Variants in RNF150 observed in about 807,000 individuals in gnomAD.
The protein encoded by RNF150 is ring finger protein 150.
Under a neutral mutation model 39.3 loss-of-function variants are expected in RNF150, and 24 were observed. The observed-to-expected ratio is 0.61, with a 90% CI of 0.44 to 0.86. The LOEUF (loss-of-function observed/expected upper bound fraction) is 0.86, where lower values mean the gene tolerates loss of function less well. RNF150 is among the 40% of genes least tolerant of loss of function. The pLI is 0.00. For synonymous variants in RNF150, 255 were observed against 227.3 expected (o/e 1.12, Z -1.10); for missense variants, 502 against 587.8 (o/e 0.85, Z 1.51).
chr4:141,102,378 C>G (rs750675310), intron 1 of RNF150, among the ~76,000 whole-genome samples: 5 of 152,076 alleles, frequency 3.3e-5, no homozygotes, highest in Non-Finnish European at 5.9e-5. Flanking sequence ...TAATTTTTCC[C>G]TGATCCTTTC....
At chr4:141,076,581 C>T (rs1737902687) in intron 1 of RNF150, among the ~76,000 whole-genome samples, 1 of 151,550 alleles carries the variant, frequency 6.6e-6, no homozygotes, top group African/African-American at 2.4e-5. Context: ...CCTGCACATA[C>T]TTACCTGTTA....
At chr4:141,198,144 G>A (rs910135559) in intron 1 of RNF150, among the ~76,000 whole-genome samples, 9 of 150,772 alleles carry the variant, frequency 6.0e-5, no homozygotes, top group Admixed American at 5.9e-4. Flanking sequence ...TCCTGCCTCA[G>A]CCTCCTGAGT....
chr4:141,184,577 C>T (rs1727968342), intron 1 of RNF150, among the ~76,000 whole-genome samples: 1 of 152,100 alleles, frequency 6.6e-6, no homozygotes, highest in Non-Finnish European at 1.5e-5. Context: ...AGTCTTTGCC[C>T]ATGCCTATGT....
At chr4:141,022,916 T>C (rs1231884580) in intron 1 of RNF150, among the ~76,000 whole-genome samples, 1 of 152,226 alleles carries the variant, frequency 6.6e-6, no homozygotes, top group Non-Finnish European at 1.5e-5. Context: ...CTACTTTCCA[T>C]CTAAATTTGC....
intron 6 of RNF150, among the ~76,000 whole-genome samples, chr4:140,910,062 C>CA (rs1026642207): frequency 1.7e-4 from 26 of 152,126 alleles, no homozygotes; most frequent in African/African-American, 6.0e-4. Context: ...TTTTTTCATT[C>CA]TTTTTTTAGT....
chr4:140,933,929 G>A (rs1249484308), intron 4 of RNF150, among the ~76,000 whole-genome samples: 1 of 152,152 alleles, frequency 6.6e-6, no homozygotes, highest in African/African-American at 2.4e-5. Context: ...CCACACTGTG[G>A]GGACAATTCT....
chr4:141,139,668 C>T (rs558166236), intron 1 of RNF150, among the ~76,000 whole-genome samples: 3 of 152,310 alleles, frequency 2.0e-5, no homozygotes, highest in Admixed American at 1.3e-4. Flanking sequence ...CATGCAGGCA[C>T]TATTTGTTCT....
intron 1 of RNF150, among the ~76,000 whole-genome samples, chr4:141,051,346 C>T (rs1008480264): frequency 4.6e-5 from 7 of 152,172 alleles, no homozygotes; most frequent in South Asian, 2.1e-4. Flanking sequence ...ATTACTTATG[C>T]AAATTTTTGC....
intron 1 of RNF150, among the ~76,000 whole-genome samples, chr4:141,193,176 G>A (rs938091917): frequency 3.3e-5 from 5 of 152,222 alleles, no homozygotes; most frequent in African/African-American, 4.8e-5. Flanking sequence ...AAGGACAAGG[G>A]ATTTTGTCAA....
At chr4:140,936,546 C>G (rs747612282) in intron 4 of RNF150, among the ~76,000 whole-genome samples, 9 of 151,992 alleles carry the variant, frequency 5.9e-5, no homozygotes, top group Non-Finnish European at 1.5e-5. Context: ...GTTAATTGAT[C>G]AGTTATCTTA....
At chr4:141,043,889 C>A (rs1465051772) in intron 1 of RNF150, among the ~76,000 whole-genome samples, 1 of 152,086 alleles carries the variant, frequency 6.6e-6, no homozygotes, top group Non-Finnish European at 1.5e-5. Flanking sequence ...TCTCCCTACC[C>A]AATGCACACC....
At chr4:141,007,301 A>G (rs1240926766) in intron 1 of RNF150, among the ~76,000 whole-genome samples, 1 of 152,182 alleles carries the variant, frequency 6.6e-6, no homozygotes, top group East Asian at 1.9e-4. Context: ...ATCTCTGAAA[A>G]TACTCCTCCT....
rs1730997945 is a variant in RNF150, at chr4:140,919,295, T to C, written c.987+6682A>G. 2.1e-5 allele frequency among the ~76,000 whole-genome samples: 3 copies of C among 144,288 alleles called. No homozygotes were observed. The South Asian group carries it at 7.3e-4, about 35-fold the overall frequency. The allele number at this position is 144,288 out of a possible 152,430, so 94.7% of individuals were successfully genotyped here. On this transcript the variant is annotated intron_variant, in intron 5 of 6. Transcript: ENST00000515673. ...TGTATATCTAGAAAACCCCACTGTC[T>C]CAGCCCAAAATCTCCTTAAGCTGAT... is the stretch of plus-strand genomic sequence containing the variant.
chr4:140,967,298 C>T (rs1733282180), intron 2 of RNF150, among the ~76,000 whole-genome samples: 3 of 151,972 alleles, frequency 2.0e-5, no homozygotes, highest in South Asian at 2.1e-4. Context: ...CTTCTGTTCA[C>T]AAGGAGAAAA....
chr4:140,998,618 T>C (rs981871324), intron 1 of RNF150, among the ~76,000 whole-genome samples: 2 of 152,190 alleles, frequency 1.3e-5, no homozygotes, highest in African/African-American at 4.8e-5. Flanking sequence ...AGAGATAAGC[T>C]GAGCTAAAGT....
chr4:140,879,142 C>A (rs1244291108), intron 6 of RNF150, among the ~76,000 whole-genome samples: 1 of 152,172 alleles, frequency 6.6e-6, no homozygotes, highest in Non-Finnish European at 1.5e-5. Flanking sequence ...TGATTACCAT[C>A]ACTCTGTAAT....
chr4:141,101,589 A>G (rs1024940049), intron 1 of RNF150, among the ~76,000 whole-genome samples: 19 of 152,296 alleles, frequency 1.2e-4, no homozygotes, highest in African/African-American at 4.1e-4. Flanking sequence ...ATAAATACAT[A>G]AATCTGTAAC....
chr4:140,940,909 A>C (rs549043607), intron 4 of RNF150, among the ~76,000 whole-genome samples: 26 of 152,242 alleles, frequency 1.7e-4, no homozygotes, highest in African/African-American at 6.0e-4. Flanking sequence ...GCTCTAATAG[A>C]ACCTGCTTTC....
intron 1 of RNF150, among the ~76,000 whole-genome samples, chr4:141,052,907 G>T (rs1242921824): frequency 4.6e-5 from 7 of 152,060 alleles, no homozygotes; most frequent in African/African-American, 1.4e-4. Context: ...ACAATCCTGT[G>T]GCAATTTCCA....
Sources: gnomAD v4.1 joint callset for allele counts (sites outside exome capture counted in the v4.1 genomes callset) on GRCh38, gnomAD v4.1.1 for gene constraint, MANE v1.5 for transcripts, NCBI Gene and HGNC (gene_info 2026-07-23, HGNC 2026-07-21) for gene names.